ERBB4: variants seen among roughly 807,000 people sequenced by gnomAD.
ERBB4 encodes erb-b2 receptor tyrosine kinase 4, also known as receptor tyrosine-protein kinase erbB-4.
A neutral mutation model predicts 158.0 loss-of-function variants in ERBB4; 42 were observed. The observed-to-expected ratio is 0.27, with a 90% CI of 0.21 to 0.34. ERBB4 has a LOEUF of 0.34. Among genes scored for constraint, ERBB4 ranks in the 10% least tolerant of loss-of-function variants. The pLI is 1.00. For missense variants in ERBB4, 1,333 were observed against 1,624.1 expected (o/e 0.82, Z 3.08); for synonymous variants, 583 against 558.7 (o/e 1.04, Z -0.61).
intron 3 of ERBB4, among the ~76,000 whole-genome samples, chr2:211,935,761 G>A (rs1410833501): frequency 6.6e-6 from 1 of 152,094 alleles, no homozygotes; most frequent in Non-Finnish European, 1.5e-5. Context: ...ATCGTTATCT[G>A]TATCTATATC....
Position 211,807,155 on chromosome 2 carries a change from T to A in ERBB4, c.422-18996A>T, listed in dbSNP as rs558772309. ...AACAGGAGACTGTTGATTTTTTTTT[T>A]AATTATACTTTAAGTTCTAGGGTAC... On this transcript the variant is annotated intron_variant, in intron 3 of 27. Transcript: ENST00000342788. Among the ~76,000 whole-genome samples the A allele has an allele frequency of 7.0e-4, 107 of 152,264 alleles. 2 individuals are homozygous for A. The South Asian group carries it at 0.018, about 25-fold the overall frequency.
chr2:211,597,878 C>G (rs1265273264), intron 19 of ERBB4, among the ~76,000 whole-genome samples: 1 of 151,662 alleles, frequency 6.6e-6, no homozygotes, highest in Non-Finnish European at 1.5e-5. Flanking sequence ...CTAAAATTTC[C>G]CCAAAAAGAA....
At position 211,404,825 on chromosome 2, in the gene ERBB4, G is replaced by C. The variant is rs568638669; in HGVS notation, c.3135+15616C>G. ...AACAGTAGGTGACTGTACTTTCTAT[G>C]AAGTGACCCCTTCAACCTAGTCCAC... On this transcript the variant is annotated intron_variant, in intron 25 of 27. Coordinates refer to ENST00000342788, the MANE Select transcript of ERBB4 (RefSeq NM_005235.3). Among the ~76,000 whole-genome samples, 125 of 152,204 alleles carry C rather than the reference G, an allele frequency of 8.2e-4. 1 individual carries two copies. Among genetic ancestry groups the C allele is most frequent in the African/African-American group, 2.8e-3 (115 of 41,548 alleles).
Position 212,015,087 on chromosome 2 carries a change from T to G in ERBB4, c.235-67471A>C. On this transcript the variant is annotated intron_variant, in intron 2 of 27. Coordinates refer to ENST00000342788, the MANE Select transcript of ERBB4 (RefSeq NM_005235.3). ...ATATATATATATATATATATATATA[T>G]ATATATATATATATATATATATATA... Among the ~76,000 whole-genome samples, 2 of 13,222 alleles carry G rather than the reference T, an allele frequency of 1.5e-4. 1 individual carries two copies. The highest frequency in any genetic ancestry group is 3.8e-4 in the Non-Finnish European group (2 of 5,294). The allele number at this position is 13,222 out of a possible 152,430, so 8.7% of individuals were successfully genotyped here.
At chr2:212,384,106 C>T (rs1167593691) in intron 1 of ERBB4, among the ~76,000 whole-genome samples, 1 of 151,574 alleles carries the variant, frequency 6.6e-6, no homozygotes, top group Non-Finnish European at 1.5e-5. Context: ...ACATTCCAGA[C>T]CCAGTGGCTA....
chr2:212,130,647 G>A (rs1016291365), intron 1 of ERBB4, among the ~76,000 whole-genome samples: 1 of 152,034 alleles, frequency 6.6e-6, no homozygotes. Context: ...TAAAAAAAGA[G>A]AATTACCTAA....
Position 211,541,897 on chromosome 2 carries a change from C to A in ERBB4, c.2487+20006G>T, listed in dbSNP as rs74682593. Among the ~76,000 whole-genome samples, 899 of 152,068 alleles carry A rather than the reference C, an allele frequency of 5.9e-3. 8 individuals are homozygous for A. The highest frequency in any genetic ancestry group is 0.021 in the African/African-American group (863 of 41,538). On this transcript the variant is annotated intron_variant, in intron 20 of 27. Coordinates refer to ENST00000342788, the MANE Select transcript of ERBB4 (RefSeq NM_005235.3). The stretch of plus-strand genomic sequence containing the variant: ...TTCATGTTAACACTCACATCTCTAC[C>A]AGGTAAATACTTGTATTATCACCAC...
chr2:211,433,304 G>A lies in ERBB4; in HGVS notation c.2488-2204C>T, dbSNP rs140708134. On this transcript the variant is annotated intron_variant, in intron 20 of 27. Transcript: ENST00000342788. ...TTGTTTTAAAAAGGGGAGTGAGGCCGGGCGCGGTGGCTCACGCCTGTAATA... is the reference window on the plus strand; with the variant it reads ...TTGTTTTAAAAAGGGGAGTGAGGCCAGGCGCGGTGGCTCACGCCTGTAATA... Among the ~76,000 whole-genome samples, 1,125 of 151,612 alleles carry A rather than the reference G, an allele frequency of 7.4e-3. 16 individuals carry two copies. The highest frequency in any genetic ancestry group is 0.026 in the African/African-American group (1,071 of 41,300).
At chr2:211,709,235 GTATATATATATATATACACATATA>G (rs1257704357) in intron 9 of ERBB4, among the ~76,000 whole-genome samples, 2 of 103,208 alleles carry the variant, frequency 1.9e-5, no homozygotes, top group Non-Finnish European at 3.7e-5. Context: ...GCGTGTGTGT[GTATATATATATATATACACATATA>G]TATATATATA....
chr2:212,037,957 A>T (rs557857259), intron 2 of ERBB4, among the ~76,000 whole-genome samples: 1 of 152,274 alleles, frequency 6.6e-6, no homozygotes, highest in South Asian at 2.1e-4. Context: ...TTTTGAAAAA[A>T]TTAGCCGTTG....
chr2:212,138,533 C>T (rs1026276660), intron 1 of ERBB4, among the ~76,000 whole-genome samples: 38 of 152,108 alleles, frequency 2.5e-4, no homozygotes, highest in African/African-American at 9.2e-4. Flanking sequence ...CCAAGCAGAC[C>T]CTCACCAGAT....
At chr2:212,348,233 G>A (rs114189780) in intron 1 of ERBB4, among the ~76,000 whole-genome samples, 1,530 of 152,144 alleles carry the variant, frequency 0.01, 29 homozygotes, top group African/African-American at 0.035. Flanking sequence ...TTCCTATTCT[G>A]AGAAACATCC....
chr2:211,563,831 T>TAC (rs2067474506), intron 19 of ERBB4, among the ~76,000 whole-genome samples: 1 of 152,134 alleles, frequency 6.6e-6, no homozygotes, highest in African/African-American at 2.4e-5. Flanking sequence ...TACATATATA[T>TAC]ACACACAAAT....
chr2:211,403,228 G>A (rs2063081380), intron 25 of ERBB4, among the ~76,000 whole-genome samples: 1 of 152,120 alleles, frequency 6.6e-6, no homozygotes, highest in East Asian at 1.9e-4. Flanking sequence ...ATGCCACTCT[G>A]CACATCCTTT....
At chr2:212,357,847 T>C (rs2089523504) in intron 1 of ERBB4, among the ~76,000 whole-genome samples, 1 of 151,898 alleles carries the variant, frequency 6.6e-6, no homozygotes, top group African/African-American at 2.4e-5. Flanking sequence ...CAAAGTATCC[T>C]TTCTGAGCAG....
At chr2:212,407,443 G>A (rs1235337719) in intron 1 of ERBB4, among the ~76,000 whole-genome samples, 5 of 151,972 alleles carry the variant, frequency 3.3e-5, no homozygotes, top group Non-Finnish European at 5.9e-5. Flanking sequence ...GGCGGGGTAC[G>A]TTTAGTAAAC....
chr2:211,998,779 C>G (rs923481157), intron 2 of ERBB4, among the ~76,000 whole-genome samples: 8 of 151,638 alleles, frequency 5.3e-5, no homozygotes, highest in Non-Finnish European at 1.2e-4. Flanking sequence ...CCATGATACC[C>G]TAGGGATGAT....
chr2:211,790,993 A>C (rs941058016), intron 3 of ERBB4, among the ~76,000 whole-genome samples: 2 of 151,906 alleles, frequency 1.3e-5, no homozygotes, highest in Non-Finnish European at 2.9e-5. Context: ...TATATTCTTA[A>C]AGTTTTCATT....
intron 1 of ERBB4, among the ~76,000 whole-genome samples, chr2:212,212,489 C>T (rs777096304): frequency 2.2e-4 from 33 of 151,522 alleles, no homozygotes; most frequent in East Asian, 1.9e-4. Flanking sequence ...CCATACTGTC[C>T]GAAGTAATTT....
Sources: gnomAD v4.1 joint callset for allele counts (sites outside exome capture counted in the v4.1 genomes callset) on GRCh38, gnomAD v4.1.1 for gene constraint, MANE v1.5 for transcripts, NCBI Gene and HGNC (gene_info 2026-07-23, HGNC 2026-07-21) for gene names.